ANKRD24: variants seen among roughly 807,000 people sequenced by gnomAD.
ANKRD24 encodes the protein ankyrin repeat domain-containing protein 24.
ANKRD24 carries 109 observed loss-of-function variants against 127.8 expected under a neutral mutation model. That is an observed-to-expected ratio of 0.85 (90% CI 0.73 to 1.00). The LOEUF (loss-of-function observed/expected upper bound fraction) is 1.00. ANKRD24 is among the 50% of genes least tolerant of loss of function. The probability of loss-of-function intolerance (pLI) is 0.00; values close to 1 mark genes in which losing one functional copy is unlikely to be tolerated. For missense variants in ANKRD24, 1,648 were observed against 1,570.2 expected (o/e 1.05, Z -0.84); for synonymous variants, 743 against 671.1 (o/e 1.11, Z -1.66).
Position 4,199,593 on chromosome 19 carries a change from G to A in ANKRD24, c.37-90G>A. 2.8e-6 allele frequency: 4 copies of A among 1,449,920 alleles called. No homozygotes were observed. The highest frequency in any genetic ancestry group is 2.9e-5 in the African/African-American group (2 of 69,818). The allele number at this position is 1,449,920 out of a possible 1,614,324, so 89.8% of individuals were successfully genotyped here. On this transcript the variant is annotated intron_variant, in intron 2 of 21. Coordinates refer to ENST00000318934, the MANE Select transcript of ANKRD24 (RefSeq NM_001393985.1). The surrounding 1 kb of genome is among the most constrained non-coding windows in gnomAD (Gnocchi z 5.2). The stretch of plus-strand genomic sequence containing the variant: ...TGGTGGGCTTTTGTTGGACAACTGG[G>A]GTGATGGGCCTGGGGGCAGATGCTG...
At chr19:4,223,402 T>TATATATATATATATATATA (rs1491398712) in intron 20 of ANKRD24, among the ~76,000 whole-genome samples, 4 of 40,444 alleles carry the variant, frequency 9.9e-5, no homozygotes, top group African/African-American at 3.6e-4. Context: ...TATATATATA[T>TATATATATATATATATATA]TTTTTTTTTT....
chr19:4,200,375 C>T (rs1969031975), intron 5 of ANKRD24, among the ~76,000 whole-genome samples: 1 of 152,078 alleles, frequency 6.6e-6, no homozygotes, highest in Non-Finnish European at 1.5e-5. Context: ...GTGGCTGGCA[C>T]CGAGCAAAGC....
chr19:4,207,774 C>G lies in ANKRD24; in HGVS notation c.645-7C>G, dbSNP rs767795062. On this transcript the variant is annotated splice_region_variant and splice_polypyrimidine_tract_variant and intron_variant, in intron 9 of 21. Coordinates refer to ENST00000318934, the MANE Select transcript of ANKRD24 (RefSeq NM_001393985.1). ...CTCATCTCCTCAGTAGCCCCCTCCC[C>G]TGGTAGGACGGCCCTGATGCTGGCC... 9 of 1,569,398 alleles carry G rather than the reference C, an allele frequency of 5.7e-6. No individual in the cohort carries two copies. The highest frequency in any genetic ancestry group is 7.8e-6 in the Non-Finnish European group (9 of 1,156,702).
chr19:4,216,569 A>T lies in ANKRD24; in HGVS notation c.1409A>T (p.Lys470Met). The T allele has an allele frequency of 6.2e-7, 1 of 1,609,856 alleles. No homozygotes were observed. Among genetic ancestry groups the T allele is most frequent in the African/African-American group, 1.3e-5 (1 of 74,976 alleles). The stretch of plus-strand genomic sequence containing the variant: ...CCCCAGATCCTGGAGAACTTTGAGA[A>T]GGACGAGACACAGATGGAAGTGGAA... ...EKVQILENFE[K>M]DETQMEVEAL... Residue 470 changes from lysine to methionine, a missense_variant, in exon 18 of 22, where the codon AAG (lysine) becomes ATG (methionine). By Grantham distance (95) the Lys-to-Met change is moderately conservative. Transcript: ENST00000318934.
Position 4,195,286 on chromosome 19 carries a change from C to A in ANKRD24, c.37-4397C>A, listed in dbSNP as rs1439095957. Among the ~76,000 whole-genome samples, 5 of 151,732 alleles carry A rather than the reference C, an allele frequency of 3.3e-5. No homozygotes were observed. Among genetic ancestry groups the A allele is most frequent in the South Asian group, 2.1e-4 (1 of 4,806 alleles). ...ACGGGGTTTTGCCACGTTGGTCAGG[C>A]TGGTCTCGAACTCCCCATCTCAGGT... On this transcript the variant is annotated intron_variant, in intron 2 of 21. Transcript: ENST00000318934. The surrounding 1 kb of genome is among the most constrained non-coding windows in gnomAD (Gnocchi z 4.2).
intron 2 of ANKRD24, among the ~76,000 whole-genome samples, chr19:4,187,427 A>G (rs1368106255): frequency 4.0e-5 from 6 of 151,594 alleles, no homozygotes; most frequent in Non-Finnish European, 8.8e-5. Context: ...AAGAAAAAAA[A>G]AAGAAAAAGG....
chr19:4,183,397 C>T (rs199966346), intron 1 of ANKRD24: 38 of 962,608 alleles, frequency 3.9e-5, no homozygotes, highest in Non-Finnish European at 4.6e-5. Flanking sequence ...TGAGTACCTA[C>T]TTTGTACTGG....
At position 4,198,012 on chromosome 19, in the gene ANKRD24, T is replaced by A; in HGVS notation, c.37-1671T>A. ...GAATGAATGAGTGAATGAATGAAAGTGTGAGTGGCGAGAGCCCTGCCGGCC... is the reference window on the plus strand; with the variant it reads ...GAATGAATGAGTGAATGAATGAAAGAGTGAGTGGCGAGAGCCCTGCCGGCC... On this transcript the variant is annotated intron_variant, in intron 2 of 21. Coordinates refer to ENST00000318934, the MANE Select transcript of ANKRD24 (RefSeq NM_001393985.1). This position sits in a 1 kb window ranked among gnomAD's most constrained non-coding sequence, Gnocchi z 6.1. The A allele has an allele frequency of 2.5e-6, 1 of 407,144 alleles. No homozygotes were observed. The highest frequency in any genetic ancestry group is 4.4e-5 in the Admixed American group (1 of 22,672). 25.2% of individuals were successfully genotyped at this position (407,144 alleles called of 1,614,324 possible).
Position 4,216,727 on chromosome 19 carries a change from G to A in ANKRD24, c.1567G>A (p.Gly523Arg). The A allele has an allele frequency of 1.9e-6, 3 of 1,577,424 alleles. No individual in the cohort carries two copies. Among genetic ancestry groups the A allele is most frequent in the Non-Finnish European group, 2.6e-6 (3 of 1,162,108 alleles). The change falls in exon 18 of 22, where the codon GGG (glycine) becomes AGG (arginine). Residue 523 changes from glycine (G) to arginine (R), a missense_variant. Physicochemically the swap from Gly to Arg is moderately radical, Grantham distance 125 (BLOSUM62 -2). Coordinates refer to ENST00000318934, the MANE Select transcript of ANKRD24 (RefSeq NM_001393985.1). ...GACACGAGAGGTCCCCAGAGAAGAG[G>A]GGGCAGCCTGTGGGGAGAGTGAGGT... ...QETREVPREE[G>R]AACGESEVAG...
In ANKRD24 at chr19:4,224,656, C is replaced by T. The variant is rs1970642158; in HGVS notation, c.*151C>T. On this transcript the variant is annotated 3_prime_UTR_variant, in exon 22 of 22. Coordinates refer to ENST00000318934, the MANE Select transcript of ANKRD24 (RefSeq NM_001393985.1). ...CAGCCTGGTTCCCTGCCCGACCACC[C>T]CCAGCTGGCTCCATCACCCCACCTG... 4.1e-6 allele frequency: 3 copies of T among 731,558 alleles called. No individual in the cohort carries two copies. The highest frequency in any genetic ancestry group is 3.5e-5 in the African/African-American group (2 of 57,178). 45.3% of individuals were successfully genotyped at this position (731,558 alleles called of 1,614,324 possible).
intron 2 of ANKRD24, among the ~76,000 whole-genome samples, chr19:4,189,534 G>A (rs966799904): frequency 1.3e-5 from 2 of 149,556 alleles, no homozygotes; most frequent in African/African-American, 4.9e-5. Context: ...TTATAGGCAT[G>A]AGCCACCATG....
intron 2 of ANKRD24, among the ~76,000 whole-genome samples, chr19:4,189,407 C>T (rs113177562): frequency 7.9e-5 from 12 of 151,630 alleles, no homozygotes; most frequent in Admixed American, 4.6e-4. Flanking sequence ...CGCACTACCA[C>T]GCCCAGCAAT....
chr19:4,197,705 A>G (rs1189724257), intron 2 of ANKRD24, among the ~76,000 whole-genome samples: 1 of 152,216 alleles, frequency 6.6e-6, no homozygotes, highest in Non-Finnish European at 1.5e-5. Flanking sequence ...GAACAAATGA[A>G]TGAGTGAATG....
intron 1 of ANKRD24, 40 bp from the exon 2 acceptor site, chr19:4,186,350 C>T (rs1296272151): frequency 1.9e-6 from 3 of 1,551,660 alleles, no homozygotes; most frequent in Non-Finnish European, 2.6e-6. Flanking sequence ...CCCACCAGGA[C>T]TGGTGTCCCT....
chr19:4,213,166 TGCACATTTACAAATGTGCAC>T (rs1420336660), intron 15 of ANKRD24, among the ~76,000 whole-genome samples: 2 of 151,974 alleles, frequency 1.3e-5, no homozygotes, highest in Non-Finnish European at 2.9e-5. Context: ...CATGCACCCA[TGCACATTTACAAATGTGCAC>T]AGACACAGAA....
At position 4,199,853 on chromosome 19, in the gene ANKRD24, C is replaced by A; in HGVS notation, c.124-22C>A. The A allele has an allele frequency of 6.4e-7, 1 of 1,555,688 alleles. No homozygotes were observed. Among genetic ancestry groups the A allele is most frequent in the Non-Finnish European group, 8.7e-7 (1 of 1,149,696 alleles). On this transcript the variant is annotated intron_variant, in intron 3 of 21. Coordinates refer to ENST00000318934, the MANE Select transcript of ANKRD24 (RefSeq NM_001393985.1). This position sits in a 1 kb window ranked among gnomAD's most constrained non-coding sequence, Gnocchi z 5.2. ...GGACAGCAGCCAACACTGCCCCACGCACTTCTGGGCGTGCCCTGCAGAGTC... is the reference window on the plus strand; with the variant it reads ...GGACAGCAGCCAACACTGCCCCACGAACTTCTGGGCGTGCCCTGCAGAGTC...
intron 7 of ANKRD24, 126 bp from the exon 8 acceptor site, chr19:4,207,116 T>C: frequency 1.8e-6 from 1 of 553,496 alleles, no homozygotes. Context: ...AGAGACAGGG[T>C]CTCACTGTGT....
Position 4,195,060 on chromosome 19 carries a change from T to TTTGTTTGTTTG in ANKRD24, c.37-4621_37-4620insGTTTGTTTGTT, listed in dbSNP as rs1968623108. On this transcript the variant is annotated intron_variant, in intron 2 of 21. Transcript: ENST00000318934. The surrounding 1 kb of genome is among the most constrained non-coding windows in gnomAD (Gnocchi z 4.2). ...TCGGCGTGAGCCACCGCGCCCAGGT[T>TTTGTTTGTTTG]TTTGTTTGTTTGTTTGTTTGTTTGT... Among the ~76,000 whole-genome samples, 1 of 148,416 alleles carries TTTGTTTGTTTG rather than the reference T, an allele frequency of 6.7e-6. No homozygotes were observed. Among genetic ancestry groups the TTTGTTTGTTTG allele is most frequent in the African/African-American group, 2.5e-5 (1 of 40,218 alleles).
chr19:4,205,871 G>A lies in ANKRD24; in HGVS notation c.467-1371G>A, dbSNP rs964397047. ...CAAAAAATAAAAATAGGTCGGGTGC[G>A]GTGGCTCACGCCTGTAATCCCAGCA... On this transcript the variant is annotated intron_variant, in intron 7 of 21. Transcript: ENST00000318934. 5.3e-5 allele frequency among the ~76,000 whole-genome samples: 8 copies of A among 151,140 alleles called. No homozygotes were observed. The South Asian group carries it at 6.3e-4, about 12-fold the overall frequency.
Sources: allele counts gnomAD v4.1 joint callset (sites outside exome capture counted in the v4.1 genomes callset), GRCh38; gene constraint gnomAD v4.1.1; non-coding constraint Gnocchi (gnomAD v3.1); transcripts MANE v1.5; gene names NCBI Gene and HGNC (gene_info 2026-07-23, HGNC 2026-07-21).